Variants in IGSF9B observed in about 807,000 individuals in gnomAD.
The protein encoded by IGSF9B is immunoglobulin superfamily member 9B, also known as protein turtle homolog B.
IGSF9B carries 48 observed loss-of-function variants against 143.7 expected under a neutral mutation model. The ratio of observed to expected loss-of-function variants is 0.33; its 90% CI spans 0.26 to 0.42. The LOEUF is 0.42. Ranked by LOEUF, IGSF9B falls within the 20% of genes least tolerant of loss-of-function variation. The pLI is 1.00. For synonymous variants in IGSF9B, 903 were observed against 833.1 expected (o/e 1.08, Z -1.44); for missense variants, 1,706 against 1,980.0 (o/e 0.86, Z 2.63).
At chr11:133,946,717 G>A (rs1209199444) in intron 1 of IGSF9B, among the ~76,000 whole-genome samples, 1 of 152,194 alleles carries the variant, frequency 6.6e-6, no homozygotes, top group East Asian at 1.9e-4. Context: ...TTCTGCTCCA[G>A]GACGCCTGCC....
rs1280644078 is a variant in IGSF9B, at chr11:133,901,992, T to A, written c.*7077A>T. Among the ~76,000 whole-genome samples, 2 of 99,164 alleles carry A rather than the reference T, an allele frequency of 2.0e-5. No homozygotes were observed. The highest frequency in any genetic ancestry group is 2.8e-4 in the East Asian group (1 of 3,568). 65.1% of individuals were successfully genotyped at this position (99,164 alleles called of 152,430 possible). A position where few individuals can be genotyped will look rare whatever the true frequency, so the allele number is the denominator to read the frequency against. On this transcript the variant is annotated 3_prime_UTR_variant, in exon 20 of 20. Transcript: ENST00000533871. ...ATCACACACATGCACACCAGACACA[T>A]CACACACACACACACACCAGACATA... is the stretch of plus-strand genomic sequence containing the variant.
At position 133,931,447 on chromosome 11, in the gene IGSF9B, AG is replaced by A. The variant is rs767485032; in HGVS notation, c.1368+5del. The A allele has an allele frequency of 6.3e-7, 1 of 1,598,544 alleles. No homozygotes were observed. The highest frequency in any genetic ancestry group is 8.6e-7 in the Non-Finnish European group (1 of 1,167,008). On this transcript the variant is annotated splice_donor_5th_base_variant and intron_variant, in intron 10 of 19. Transcript: ENST00000533871. The surrounding 1 kb of genome is among the most constrained non-coding windows in gnomAD (Gnocchi z 7.7). Reference sequence around the variant, plus strand: ...CTGCAGACCCAGGGCTCCAGGGCCCAGGTACCTTTCTCCAAGTGATGACAGG... The same window carrying A: ...CTGCAGACCCAGGGCTCCAGGGCCCAGTACCTTTCTCCAAGTGATGACAGG...
At position 133,909,986 on chromosome 11, in the gene IGSF9B, A is replaced by G. The variant is rs1939275358; in HGVS notation, c.4106-709T>C. Among the ~76,000 whole-genome samples the G allele has an allele frequency of 6.6e-6, 1 of 152,236 alleles. No individual in the cohort carries two copies. Among genetic ancestry groups the G allele is most frequent in the Admixed American group, 6.5e-5 (1 of 15,290 alleles). Reference sequence around the variant, plus strand: ...TTATGAGCCTTCCACAGATCTGAAGAAAAATTATTCCCAACAGAAGAAATG... The same window carrying G: ...TTATGAGCCTTCCACAGATCTGAAGGAAAATTATTCCCAACAGAAGAAATG... On this transcript the variant is annotated intron_variant, in intron 19 of 19. Transcript: ENST00000533871. This position sits in a 1 kb window ranked among gnomAD's most constrained non-coding sequence, Gnocchi z 4.2.
chr11:133,931,338 C>T lies in IGSF9B; in HGVS notation c.1368+115G>A. On this transcript the variant is annotated intron_variant, in intron 10 of 19. Transcript: ENST00000533871. This position sits in a 1 kb window ranked among gnomAD's most constrained non-coding sequence, Gnocchi z 7.7. ...TCCAGAATAGAACTGCTCGCTGGGC[C>T]CTCACACCTCCCCTCAGCCCCGGGG... 1.2e-6 allele frequency: 1 copy of T among 856,900 alleles called. No individual in the cohort carries two copies. The highest frequency in any genetic ancestry group is 1.8e-6 in the Non-Finnish European group (1 of 546,412). The allele number at this position is 856,900 out of a possible 1,614,324, so 53.1% of individuals were successfully genotyped here.
rs749814162 is a variant in IGSF9B at position 133,920,161 on chromosome 11, C to T, written c.3564G>A (p.Glu1188=). 1.3e-6 allele frequency: 2 copies of T among 1,509,394 alleles called. No individual in the cohort carries two copies. The highest frequency in any genetic ancestry group is 1.8e-6 in the Non-Finnish European group (2 of 1,128,884). 93.5% of individuals were successfully genotyped at this position (1,509,394 alleles called of 1,614,324 possible). The change falls in exon 18 of 20, where the codon GAG becomes GAA. Residue 1188 remains glutamate, a synonymous_variant. Transcript: ENST00000533871. ...RPSPRQARRA[E]PSLHQVVLQP... is the part of the protein sequence containing the mutation. ...GTAGCACCACTTGATGTAAACTGGGCTCGGCGCGCCTGGCCTGCCGAGGGC... is the reference window on the plus strand; with the variant it reads ...GTAGCACCACTTGATGTAAACTGGGTTCGGCGCGCCTGGCCTGCCGAGGGC...
intron 11 of IGSF9B, 61 bp downstream of exon 11, chr11:133,930,923 C>T (rs939871560): frequency 3.7e-5 from 55 of 1,501,816 alleles, no homozygotes; most frequent in Non-Finnish European, 2.4e-5. Context: ...GCGTCCAGCA[C>T]CCCGCCCCCA....
chr11:133,922,413 C>T lies in IGSF9B; in HGVS notation c.2281+156G>A, dbSNP rs1031610113. On this transcript the variant is annotated intron_variant, in intron 16 of 19. Transcript: ENST00000533871. ...CTCTCCCCACCACCCCTGCTTCTTACCCCCACTTTCAAATCAAGTCTCACT... is the reference window on the plus strand; with the variant it reads ...CTCTCCCCACCACCCCTGCTTCTTATCCCCACTTTCAAATCAAGTCTCACT... Among the ~76,000 whole-genome samples, 10 of 152,200 alleles carry T rather than the reference C, an allele frequency of 6.6e-5. No individual in the cohort carries two copies. In the East Asian group the frequency reaches 1.9e-3, roughly 29 times the overall value.
rs1219155203 is a variant in IGSF9B, at chr11:133,921,115, C to T, written c.2610G>A (p.Lys870=). 1 of 1,613,836 alleles carries T rather than the reference C, an allele frequency of 6.2e-7. No individual in the cohort carries two copies. Among genetic ancestry groups the T allele is most frequent in the Admixed American group, 1.7e-5 (1 of 60,028 alleles). The change falls in exon 18 of 20, where the codon AAG becomes AAA. Residue 870 remains lysine (K), a synonymous_variant. Coordinates refer to ENST00000533871, the MANE Select transcript of IGSF9B (RefSeq NM_001277285.4). ...MDPAEMEPSL[K]SRRIEGFPFA... ...AGGGGAAGCCCTCGATGCGCCTGCT[C>T]TTCAGCGAGGGCTCCATCTCGGCAG...
rs75071475 is a variant in IGSF9B at position 133,911,834 on chromosome 11, C to A, written c.4105+52G>T. 14,297 of 1,454,140 alleles carry A rather than the reference C, an allele frequency of 9.8e-3. 825 individuals are homozygous for A. The African/African-American group carries it at 0.15, about 15-fold the overall frequency. The allele number at this position is 1,454,140 out of a possible 1,614,324, so 90.1% of individuals were successfully genotyped here. On this transcript the variant is annotated intron_variant, in intron 19 of 19. Coordinates refer to ENST00000533871, the MANE Select transcript of IGSF9B (RefSeq NM_001277285.4). The stretch of plus-strand genomic sequence containing the variant: ...AACGGCAGCCCAATAACCCTCCTGA[C>A]AACGGCAAGGCAAGGTGGGAGGAGC...
intron 3 of IGSF9B, among the ~76,000 whole-genome samples, chr11:133,943,686 G>C (rs1939993001): frequency 6.6e-6 from 1 of 152,224 alleles, no homozygotes; most frequent in Non-Finnish European, 1.5e-5. Flanking sequence ...GCACAGGCAG[G>C]GACTGGGTGC....
intron 18 of IGSF9B, among the ~76,000 whole-genome samples, chr11:133,918,588 C>T (rs1389794917): frequency 6.6e-6 from 1 of 152,200 alleles, no homozygotes; most frequent in Non-Finnish European, 1.5e-5. Flanking sequence ...CCTTCCTCGG[C>T]CGGCCCCGGA....
At chr11:133,952,614 A>G (rs1277988222) in intron 1 of IGSF9B, among the ~76,000 whole-genome samples, 1 of 152,142 alleles carries the variant, frequency 6.6e-6, no homozygotes, top group East Asian at 1.9e-4. Context: ...ACACAGGCAT[A>G]CATGCATGTG....
chr11:133,942,370 C>G lies in IGSF9B; in HGVS notation c.409+1850G>C, dbSNP rs533659314. Among the ~76,000 whole-genome samples the G allele has an allele frequency of 2.6e-5, 4 of 152,254 alleles. No individual in the cohort carries two copies. In the East Asian group the frequency reaches 7.7e-4, roughly 29 times the overall value. On this transcript the variant is annotated intron_variant, in intron 3 of 19. Coordinates refer to ENST00000533871, the MANE Select transcript of IGSF9B (RefSeq NM_001277285.4). ...GCTAGTACACAGTGGGTTTATGAAA[C>G]GAACCTCATCTTTTAAAGGTCTCGC...
At position 133,934,110 on chromosome 11, in the gene IGSF9B, T is replaced by C. The variant is rs181177968; in HGVS notation, c.967+1507A>G. On this transcript the variant is annotated intron_variant, in intron 7 of 19. Coordinates refer to ENST00000533871, the MANE Select transcript of IGSF9B (RefSeq NM_001277285.4). ...TAAATCTCAACCCCCTGGATTTTCT[T>C]TGAAGACAGGAAGGAGGTAAAAAAG... Among the ~76,000 whole-genome samples the C allele has an allele frequency of 3.1e-3, 479 of 152,298 alleles. 2 individuals are homozygous for C. Among genetic ancestry groups the C allele is most frequent in the African/African-American group, 0.011 (438 of 41,570 alleles).
rs966839510 is a variant in IGSF9B, at chr11:133,953,350, C to T, written c.64+3341G>A. On this transcript the variant is annotated intron_variant, in intron 1 of 19. Transcript: ENST00000533871. This position sits in a 1 kb window ranked among gnomAD's most constrained non-coding sequence, Gnocchi z 4.2. ...CTCAGCCAAGCCCTTCTCACATCCC[C>T]GTCTCCCCAGCTTCCCACAGGGCAC... Among the ~76,000 whole-genome samples, 1 of 152,184 alleles carries T rather than the reference C, an allele frequency of 6.6e-6. No homozygotes were observed. The highest frequency in any genetic ancestry group is 1.5e-5 in the Non-Finnish European group (1 of 68,030).
In IGSF9B at chr11:133,903,792, C is replaced by A. The variant is rs1344242334; in HGVS notation, c.*5277G>T. The stretch of plus-strand genomic sequence containing the variant: ...CAGACAGGAACCCAGAAATAAGGCT[C>A]TGAACCAGTGTGGATTCACTCGCAG... On this transcript the variant is annotated 3_prime_UTR_variant, in exon 20 of 20. Transcript: ENST00000533871. Among the ~76,000 whole-genome samples the A allele has an allele frequency of 6.6e-6, 1 of 152,184 alleles. No homozygotes were observed. Among genetic ancestry groups the A allele is most frequent in the Non-Finnish European group, 1.5e-5 (1 of 68,034 alleles).
Position 133,900,742 on chromosome 11 carries a change from T to C in IGSF9B, c.*8327A>G, listed in dbSNP as rs1939107923. 2 of 152,246 alleles carry C rather than the reference T, an allele frequency of 1.3e-5. No homozygotes were observed. The highest frequency in any genetic ancestry group is 4.8e-5 in the African/African-American group (2 of 41,436). 9.4% of individuals were successfully genotyped at this position (152,246 alleles called of 1,614,324 possible). ...CTGAAAAAAACATAGATGACATATT[T>C]ATACTACATACCACATTCACACTGG... On this transcript the variant is annotated 3_prime_UTR_variant, in exon 20 of 20. Coordinates refer to ENST00000533871, the MANE Select transcript of IGSF9B (RefSeq NM_001277285.4).
Position 133,901,890 on chromosome 11 carries a change from A to AC in IGSF9B, c.*7178_*7179insG, listed in dbSNP as rs1565409537. ...CCACACACGCACCACACACACACAC[A>AC]ACACACACACAACACACCACACACA... On this transcript the variant is annotated 3_prime_UTR_variant, in exon 20 of 20. Coordinates refer to ENST00000533871, the MANE Select transcript of IGSF9B (RefSeq NM_001277285.4). Among the ~76,000 whole-genome samples the AC allele has an allele frequency of 7.2e-3, 1,018 of 140,610 alleles. 8 individuals carry two copies. The highest frequency in any genetic ancestry group is 0.027 in the African/African-American group (975 of 35,540). 92.2% of individuals were successfully genotyped at this position (140,610 alleles called of 152,430 possible). A position where few individuals can be genotyped will look rare whatever the true frequency, so the allele number is the denominator to read the frequency against.
chr11:133,920,718 T>C lies in IGSF9B; in HGVS notation c.3007A>G (p.Thr1003Ala). 1.2e-6 allele frequency: 2 copies of C among 1,612,590 alleles called. No individual in the cohort carries two copies. The highest frequency in any genetic ancestry group is 1.3e-5 in the African/African-American group (1 of 74,858). ...SSVMSSPPLP[T>A]EGPFGHPTIP... ...GTGGGGTGGCCAAAGGGCCCCTCGG[T>C]GGGCAGGGGCGGGGACGACATGACG... The change falls in exon 18 of 20, where the codon ACC becomes GCC. Residue 1003 changes from threonine to alanine, a missense_variant. Transcript: ENST00000533871.
Sources: gnomAD v4.1 joint callset for allele counts (sites outside exome capture counted in the v4.1 genomes callset) on GRCh38, gnomAD v4.1.1 for gene constraint, Gnocchi (gnomAD v3.1) non-coding constraint, MANE v1.5 for transcripts, NCBI Gene and HGNC (gene_info 2026-07-23, HGNC 2026-07-21) for gene names.